KIAA1671: variants seen among roughly 807,000 people sequenced by gnomAD.
KIAA1671 encodes the protein KIAA1671, also known as uncharacterized protein KIAA1671.
In KIAA1671, 52 loss-of-function variants were observed where a neutral mutation model predicts 131.2. That is an observed-to-expected ratio of 0.40 (90% CI 0.32 to 0.50). The LOEUF (loss-of-function observed/expected upper bound fraction) is 0.50, where lower values mean the gene tolerates loss of function less well. Among genes scored for constraint, KIAA1671 ranks in the 20% least tolerant of loss-of-function variants. The pLI is 0.73. For missense variants in KIAA1671, 2,360 were observed against 2,364.2 expected, an observed-to-expected ratio of 1.00 and a Z score of 0.04; for synonymous variants, 1,003 against 961.6, an observed-to-expected ratio of 1.04 and a Z score of -0.80.
chr22:25,155,558 G>A (rs1933202794), intron 6 of KIAA1671, among the ~76,000 whole-genome samples: 1 of 138,592 alleles, frequency 7.2e-6, no homozygotes, highest in African/African-American at 2.7e-5. Context: ...GTGTGCATTG[G>A]TGTAGATGTT....
chr22:25,170,951 C>G lies in KIAA1671; in HGVS notation c.4649+13C>G, dbSNP rs745688514. On this transcript the variant is annotated intron_variant, in intron 7 of 12. Transcript: ENST00000358431. Reference sequence around the variant, plus strand: ...AGAGTGGGGAGAGGTAGGACGCGTGCGACGGGATTCTGGCTGCAAAGGGGG... The same window carrying G: ...AGAGTGGGGAGAGGTAGGACGCGTGGGACGGGATTCTGGCTGCAAAGGGGG... 6.5e-7 allele frequency: 1 copy of G among 1,549,126 alleles called. No homozygotes were observed. The highest frequency in any genetic ancestry group is 2.4e-5 in the East Asian group (1 of 40,886).
intron 4 of KIAA1671, among the ~76,000 whole-genome samples, chr22:25,033,035 T>A (rs904147475): frequency 1.3e-5 from 2 of 152,124 alleles, no homozygotes; most frequent in Non-Finnish European, 2.9e-5. Context: ...TCCTTCAAGG[T>A]CCTTCATAGT....
chr22:24,959,579 C>T (rs1041579848), intron 1 of KIAA1671, among the ~76,000 whole-genome samples: 2 of 151,750 alleles, frequency 1.3e-5, no homozygotes, highest in East Asian at 3.9e-4. Context: ...CACACACACA[C>T]ATATATATAT....
rs1157346070 is a variant in KIAA1671 at position 25,041,043 on chromosome 22, T to C, written c.3913T>C (p.Ser1305Pro). Residue 1305 changes from serine (S) to proline (P), a missense_variant, in exon 5 of 13, where the codon TCT becomes CCT. This residue lies in a region of KIAA1671 where 1,161 missense variants were observed against 1,204.7 expected (regional missense o/e 0.96). Transcript: ENST00000358431. Reference protein sequence around the residue: ...PFWALPPSAPSERYPGGSPIP... With the variant: ...PFWALPPSAPPERYPGGSPIP... Reference sequence around the variant, plus strand: ...CTGGGCTCTGCCACCCTCGGCTCCTTCTGAAAGGTATCCAGGGGGCTCTCC... The same window carrying C: ...CTGGGCTCTGCCACCCTCGGCTCCTCCTGAAAGGTATCCAGGGGGCTCTCC... 1 of 1,507,522 alleles carries C rather than the reference T, an allele frequency of 6.6e-7. No individual in the cohort carries two copies. The allele number at this position is 1,507,522 out of a possible 1,614,324, so 93.4% of individuals were successfully genotyped here. A position where few individuals can be genotyped will look rare whatever the true frequency, so the allele number is the denominator to read the frequency against.
chr22:25,063,365 A>ATACT (rs1424514940), intron 6 of KIAA1671: 33 of 152,206 alleles, frequency 2.2e-4, no homozygotes, highest in African/African-American at 7.2e-4. Context: ...ACACCATGGA[A>ATACT]TACTACTCAG....
rs368165550 is a variant in KIAA1671 at position 25,134,443 on chromosome 22, GT to G, written c.4531-36371del. On this transcript the variant is annotated intron_variant, in intron 6 of 12. Coordinates refer to ENST00000358431, the MANE Select transcript of KIAA1671 (RefSeq NM_001145206.2). Reference sequence around the variant, plus strand: ...CTTTTATAGGCATGTGATGCATACGGTTTTTTCATTATTGTTTTTAAAAGTA... The same window carrying G: ...CTTTTATAGGCATGTGATGCATACGGTTTTTCATTATTGTTTTTAAAAGTA... Among the ~76,000 whole-genome samples, 362 of 152,060 alleles carry G rather than the reference GT, an allele frequency of 2.4e-3. 3 individuals are homozygous for G. Among genetic ancestry groups the G allele is most frequent in the Non-Finnish European group, 4.0e-3 (275 of 67,984 alleles).
In KIAA1671 at chr22:25,109,636, A is replaced by C. The variant is rs550552579; in HGVS notation, c.4530+60272A>C. Among the ~76,000 whole-genome samples, 151 of 152,320 alleles carry C rather than the reference A, an allele frequency of 9.9e-4. 1 individual carries two copies. Among genetic ancestry groups the C allele is most frequent in the African/African-American group, 3.5e-3 (147 of 41,566 alleles). ...TCAGTCTCCTCTGTCAAATGGGTTC[A>C]TGCAAAAAAATTCATTAGTTGATTC... is the stretch of plus-strand genomic sequence containing the variant. On this transcript the variant is annotated intron_variant, in intron 6 of 12. Transcript: ENST00000358431.
intron 1 of KIAA1671, among the ~76,000 whole-genome samples, chr22:25,015,227 TAA>T (rs3063199): frequency 0.014 from 1,664 of 115,778 alleles, 16 homozygotes; most frequent in South Asian, 0.038. Flanking sequence ...CCTTGTCCCT[TAA>T]AAAAAAAAAA....
At chr22:25,107,575 A>G (rs1175772370) in intron 6 of KIAA1671, among the ~76,000 whole-genome samples, 2 of 147,356 alleles carry the variant, frequency 1.4e-5, no homozygotes, top group African/African-American at 5.1e-5. Flanking sequence ...CCCAGGCTGA[A>G]GCAATCCTTC....
chr22:25,028,839 C>T lies in KIAA1671; in HGVS notation c.840C>T (p.Pro280=), dbSNP rs1358452800. Residue 280 remains proline, a synonymous_variant, in exon 3 of 13, where the codon CCC becomes CCT. Coordinates refer to ENST00000358431, the MANE Select transcript of KIAA1671 (RefSeq NM_001145206.2). ...CCGAGAAGACGTGGGTGAGGAAGCC[C>T]AGGCCCTTGTCCATGGACCTCACGG... ...TPPEKTWVRK[P]RPLSMDLTAR... The T allele has an allele frequency of 1.2e-5, 19 of 1,550,792 alleles. No homozygotes were observed. The highest frequency in any genetic ancestry group is 1.5e-5 in the Non-Finnish European group (17 of 1,146,856).
intron 1 of KIAA1671, among the ~76,000 whole-genome samples, chr22:24,960,422 T>C (rs1921953422): frequency 6.6e-6 from 1 of 151,256 alleles, no homozygotes; most frequent in African/African-American, 2.4e-5. Context: ...GGCACGCGCC[T>C]GTAATCCCAG....
intron 1 of KIAA1671, among the ~76,000 whole-genome samples, chr22:24,963,563 G>A (rs116490252): frequency 0.012 from 1,888 of 151,968 alleles, 44 homozygotes; most frequent in African/African-American, 0.043. Flanking sequence ...TTGTTCAGAT[G>A]GGCCACTGTG....
intron 1 of KIAA1671, among the ~76,000 whole-genome samples, chr22:25,008,139 A>G (rs1924845982): frequency 7.1e-6 from 1 of 141,092 alleles, no homozygotes; most frequent in African/African-American, 2.6e-5. Context: ...TGGAGGTTGC[A>G]GTGAACTGGG....
chr22:25,183,764 C>T (rs113016853), intron 10 of KIAA1671, among the ~76,000 whole-genome samples: 16 of 151,146 alleles, frequency 1.1e-4, no homozygotes, highest in Middle Eastern at 3.5e-3. Flanking sequence ...CCTCCTGATC[C>T]GCCTGCCTCG....
At chr22:24,955,602 A>C (rs909430367) in intron 1 of KIAA1671, among the ~76,000 whole-genome samples, 2 of 152,080 alleles carry the variant, frequency 1.3e-5, no homozygotes, top group African/African-American at 4.8e-5. Context: ...TCACAGTGGA[A>C]GGGTCTCTGC....
At chr22:25,045,605 T>C (rs965292302) in intron 5 of KIAA1671, among the ~76,000 whole-genome samples, 2 of 152,208 alleles carry the variant, frequency 1.3e-5, no homozygotes, top group African/African-American at 4.8e-5. Context: ...CTTTTGTTTT[T>C]TGAGATGGAG....
rs778689439 is a variant in KIAA1671 at position 25,038,797 on chromosome 22, C to T, written c.1667C>T (p.Pro556Leu). Residue 556 changes from proline (P) to leucine (L), a missense_variant, in exon 5 of 13, where the codon CCG (proline) becomes CTG (leucine). Pro to Leu is a moderately conservative substitution (Grantham distance 98). Transcript: ENST00000358431. ...CACAGTTTGGATGGAGCATGCATCC[C>T]GAGAAGCCCCTGGAAGCCTGGGACA... ...EGHSLDGACI[P>L]RSPWKPGTLR... 1,028 of 1,550,126 alleles carry T rather than the reference C, an allele frequency of 6.6e-4. 2 individuals carry two copies. The highest frequency in any genetic ancestry group is 7.8e-4 in the Non-Finnish European group (897 of 1,145,528).
At chr22:25,118,750 T>C (rs2145925427) in intron 6 of KIAA1671, among the ~76,000 whole-genome samples, 1 of 152,270 alleles carries the variant, frequency 6.6e-6, no homozygotes, top group East Asian at 1.9e-4. Flanking sequence ...CTGTGCGACC[T>C]GGCCCTGCCT....
At chr22:25,025,837 A>G (rs1602076659) in intron 2 of KIAA1671, 53 bp downstream of exon 2, 1 of 152,278 alleles carries the variant, frequency 6.6e-6, no homozygotes, top group Non-Finnish European at 1.5e-5. Flanking sequence ...GTCCAAGGGC[A>G]TGGAGAGTGC....
Sources: gnomAD v4.1 joint callset for allele counts (sites outside exome capture counted in the v4.1 genomes callset) on GRCh38, gnomAD v4.1.1 for gene constraint, gnomAD v4.1.1 regional missense constraint, MANE v1.5 for transcripts, NCBI Gene and HGNC (gene_info 2026-07-23, HGNC 2026-07-21) for gene names.